LRRC7: variants seen among roughly 807,000 people sequenced by gnomAD.
LRRC7 encodes leucine-rich repeat-containing protein 7.
In LRRC7, 23 loss-of-function variants were observed where a neutral mutation model predicts 175.7. The observed-to-expected ratio is 0.13, with a 90% CI of 0.09 to 0.19. The LOEUF (loss-of-function observed/expected upper bound fraction) is 0.19. Among genes scored for constraint, LRRC7 ranks in the 10% least tolerant of loss-of-function variants. LRRC7 has a pLI of 1.00. For synonymous variants in LRRC7, 685 were observed against 680.9 expected, an observed-to-expected ratio of 1.01 and a Z score of -0.09; for missense variants, 1,354 against 1,904.7, an observed-to-expected ratio of 0.71 and a Z score of 5.38.
At chr1:69,632,856 A>G (rs1478580850) in intron 1 of LRRC7, among the ~76,000 whole-genome samples, 1 of 152,170 alleles carries the variant, frequency 6.6e-6, no homozygotes, top group East Asian at 1.9e-4. Flanking sequence ...TAGAAGTAAA[A>G]TTAATTAAAA....
At chr1:70,046,701 A>G (rs1571164224) in intron 22 of LRRC7, among the ~76,000 whole-genome samples, 2 of 152,242 alleles carry the variant, frequency 1.3e-5, no homozygotes, top group African/African-American at 4.8e-5. Flanking sequence ...GGCACTGGAT[A>G]GTTAATCAGC....
At chr1:70,070,322 C>A (rs1662286860) in intron 23 of LRRC7, among the ~76,000 whole-genome samples, 1 of 152,124 alleles carries the variant, frequency 6.6e-6, no homozygotes, top group South Asian at 2.1e-4. Flanking sequence ...TATTTCTTTG[C>A]TGACGATTTC....
chr1:69,601,583 A>C (rs1283391310), intron 1 of LRRC7, among the ~76,000 whole-genome samples: 1 of 152,172 alleles, frequency 6.6e-6, no homozygotes, highest in African/African-American at 2.4e-5. Flanking sequence ...CTTTTCATTT[A>C]CAAAGTTACT....
intron 23 of LRRC7, among the ~76,000 whole-genome samples, chr1:70,056,228 A>C (rs1385373320): frequency 6.6e-6 from 1 of 152,164 alleles, no homozygotes. Context: ...AGGTAGAAGG[A>C]TGGCCCAGAA....
At chr1:69,739,164 A>C (rs944455244) in intron 2 of LRRC7, among the ~76,000 whole-genome samples, 2 of 152,044 alleles carry the variant, frequency 1.3e-5, no homozygotes, top group African/African-American at 4.8e-5. Flanking sequence ...AAGGACATAG[A>C]GAAAGAAAAT....
chr1:69,720,477 T>A lies in LRRC7; in HGVS notation c.101-39714T>A, dbSNP rs1437688851. On this transcript the variant is annotated intron_variant, in intron 2 of 26. Transcript: ENST00000651989. The stretch of plus-strand genomic sequence containing the variant: ...CCTATTTCTATTCGTGTTTATATAG[T>A]CAATATCCATTTATATTTACCTGCA... Among the ~76,000 whole-genome samples the A allele has an allele frequency of 4.0e-5, 6 of 151,716 alleles. 1 individual carries two copies. The highest frequency in any genetic ancestry group is 3.9e-4 in the Admixed American group (6 of 15,198).
intron 23 of LRRC7, among the ~76,000 whole-genome samples, chr1:70,071,457 CCTA>C (rs1465411724): frequency 6.6e-6 from 1 of 151,900 alleles, no homozygotes; most frequent in Admixed American, 6.6e-5. Context: ...GTCCCACTGG[CCTA>C]ATTTTTAACA....
chr1:69,638,498 A>C (rs948877252), intron 1 of LRRC7, among the ~76,000 whole-genome samples: 3 of 151,734 alleles, frequency 2.0e-5, no homozygotes, highest in Non-Finnish European at 3.0e-5. Flanking sequence ...AAAACTGGAG[A>C]TCACAATTTG....
chr1:69,635,530 T>C (rs1450677245), intron 1 of LRRC7, among the ~76,000 whole-genome samples: 1 of 152,146 alleles, frequency 6.6e-6, no homozygotes, highest in African/African-American at 2.4e-5. Context: ...ATGCAAACTT[T>C]GTATTTTTGA....
chr1:69,838,937 GTTAA>G (rs1237833056), intron 7 of LRRC7: 1 of 161,754 alleles, frequency 6.2e-6, no homozygotes, highest in African/African-American at 2.4e-5. Context: ...ATGTTTTACA[GTTAA>G]TTATTTTTGA....
chr1:69,778,879 C>T (rs190318489), intron 3 of LRRC7, among the ~76,000 whole-genome samples: 55 of 151,160 alleles, frequency 3.6e-4, no homozygotes, highest in African/African-American at 1.0e-3. Flanking sequence ...TATATACACA[C>T]ACATACACAC....
Position 70,117,073 on chromosome 1 carries a change from G to A in LRRC7, c.4621-4707G>A, listed in dbSNP as rs1665910104. Among the ~76,000 whole-genome samples, 4 of 152,168 alleles carry A rather than the reference G, an allele frequency of 2.6e-5. No homozygotes were observed. The South Asian group carries it at 8.3e-4, about 31-fold the overall frequency. Reference sequence around the variant, plus strand: ...TTTCTCTAACATACAAAATTTATGTGTACTGGTCCTTTAAAAAGGATTATC... The same window carrying A: ...TTTCTCTAACATACAAAATTTATGTATACTGGTCCTTTAAAAAGGATTATC... On this transcript the variant is annotated intron_variant, in intron 26 of 26. Coordinates refer to ENST00000651989, the MANE Select transcript of LRRC7 (RefSeq NM_001370785.2).
chr1:69,572,062 T>C (rs951515250), intron 1 of LRRC7, among the ~76,000 whole-genome samples: 2 of 152,086 alleles, frequency 1.3e-5, no homozygotes. Flanking sequence ...CAAGATGACT[T>C]TAGGGGAATG....
intron 8 of LRRC7, among the ~76,000 whole-genome samples, chr1:69,964,525 A>G (rs1448081875): frequency 2.0e-5 from 3 of 152,244 alleles, no homozygotes; most frequent in Non-Finnish European, 4.4e-5. Context: ...CCTTACTTAT[A>G]GTAAGTACCC....
At chr1:69,819,575 C>CTGTGTGTGTGTGTGTGTGTG (rs1343426681) in intron 4 of LRRC7, among the ~76,000 whole-genome samples, 5 of 133,254 alleles carry the variant, frequency 3.8e-5, no homozygotes, top group African/African-American at 1.3e-4. Flanking sequence ...CTCTCTCTCT[C>CTGTGTGTGTGTGTGTGTGTG]TCTGTGTGTG....
At chr1:70,113,281 C>T (rs1362188276) in intron 26 of LRRC7, among the ~76,000 whole-genome samples, 1 of 152,144 alleles carries the variant, frequency 6.6e-6, no homozygotes, top group Non-Finnish European at 1.5e-5. Flanking sequence ...GTAAAGCTCA[C>T]TTATTCAACA....
intron 12 of LRRC7, among the ~76,000 whole-genome samples, chr1:70,012,570 G>A (rs1656605409): frequency 1.3e-5 from 2 of 151,656 alleles, no homozygotes; most frequent in African/African-American, 2.4e-5. Context: ...ACACTTTAAT[G>A]TGAAGCAAAA....
intron 24 of LRRC7, among the ~76,000 whole-genome samples, chr1:70,078,859 G>A (rs1176023375): frequency 6.7e-6 from 1 of 148,648 alleles, no homozygotes; most frequent in Non-Finnish European, 1.5e-5. Flanking sequence ...CACACTCCCC[G>A]TAAGCTTAGC....
At chr1:69,725,354 T>G (rs2100796288) in intron 2 of LRRC7, among the ~76,000 whole-genome samples, 1 of 152,258 alleles carries the variant, frequency 6.6e-6, no homozygotes, top group African/African-American at 2.4e-5. Context: ...AAACCTGTGT[T>G]GTTCAAGGGT....
Sources: allele counts gnomAD v4.1 joint callset (sites outside exome capture counted in the v4.1 genomes callset), GRCh38; gene constraint gnomAD v4.1.1; transcripts MANE v1.5; gene names NCBI Gene and HGNC (gene_info 2026-07-23, HGNC 2026-07-21).